The following MATK variants were observed in gnomAD, a reference collection of about 807,000 sequenced individuals.
The protein encoded by MATK is megakaryocyte-associated tyrosine kinase.
A neutral mutation model predicts 59.8 loss-of-function variants in MATK; 41 were observed. That is an observed-to-expected ratio of 0.69 (90% CI 0.53 to 0.89). The LOEUF is 0.89. MATK is among the 40% of genes least tolerant of loss of function. MATK has a pLI of 0.00. For missense variants in MATK, 593 were observed against 719.6 expected (o/e 0.82, Z 2.01); for synonymous variants, 308 against 306.1 (o/e 1.01, Z -0.06).
In MATK at chr19:3,778,035, C is replaced by T; in HGVS notation, c.*148G>A. 8.3e-7 allele frequency: 1 copy of T among 1,210,068 alleles called. No individual in the cohort carries two copies. Among genetic ancestry groups the T allele is most frequent in the African/African-American group, 1.6e-5 (1 of 62,890 alleles). 75.0% of individuals were successfully genotyped at this position (1,210,068 alleles called of 1,614,324 possible). A position where few individuals can be genotyped will look rare whatever the true frequency, so the allele number is the denominator to read the frequency against. On this transcript the variant is annotated 3_prime_UTR_variant, in exon 14 of 14. Coordinates refer to ENST00000310132, the MANE Select transcript of MATK (RefSeq NM_139355.3). ...GCAGGTCTGGGGTGTCCACGGGCCG[C>T]CCAGAGCCCCCTACGTGGGCCAGCC...
intron 1 of MATK, among the ~76,000 whole-genome samples, chr19:3,793,729 C>G (rs573426114): frequency 6.8e-6 from 1 of 147,366 alleles, no homozygotes; most frequent in East Asian, 2.0e-4. Context: ...ATTAGCTGGG[C>G]GTGGTGGCAT....
At chr19:3,790,263 C>A (rs2037528299), upstream of MATK, among the ~76,000 whole-genome samples, 1 of 152,168 alleles carries the variant, frequency 6.6e-6, no homozygotes, top group African/African-American at 2.4e-5. Context: ...TTATACCAGC[C>A]TGAGTGGGTA....
intron 1 of MATK, among the ~76,000 whole-genome samples, chr19:3,797,607 A>G (rs2037607937): frequency 6.6e-6 from 1 of 151,924 alleles, no homozygotes; most frequent in Non-Finnish European, 1.5e-5. Context: ...TTTAATTTCC[A>G]AGAGCTCTTT....
chr19:3,785,018 G>T (rs926406482), intron 2 of MATK, 46 bp downstream of exon 2: 105 of 1,591,202 alleles, frequency 6.6e-5, no homozygotes, highest in Non-Finnish European at 8.7e-5. Context: ...TCCTGGATGG[G>T]ACCCAGAACT....
chr19:3,787,266 G>A (rs1399118736), upstream of MATK, among the ~76,000 whole-genome samples: 1 of 152,070 alleles, frequency 6.6e-6, no homozygotes, highest in Non-Finnish European at 1.5e-5. Context: ...CCGTGTAGCT[G>A]GGACCACAGG....
intron 6 of MATK, among the ~76,000 whole-genome samples, chr19:3,783,553 G>C (rs2037431312): frequency 6.6e-6 from 1 of 151,984 alleles, no homozygotes. Flanking sequence ...GGGTCCTCCT[G>C]TCTGCCCATC....
upstream of MATK, among the ~76,000 whole-genome samples, chr19:3,789,806 C>A (rs1034403113): frequency 8.9e-4 from 134 of 150,428 alleles, 1 homozygote; most frequent in Non-Finnish European, 3.4e-4. Context: ...CTCACTGCAA[C>A]CTCCATCTCC....
rs768193895 is a variant in MATK, at chr19:3,779,580, C to T, written c.880G>A (p.Val294Met). Reference sequence around the variant, plus strand: ...ATGTACAGCCCCTGGTGCAGGATCACGCCCAGGAGACGCACCAGGTTCTCG... The same window carrying T: ...ATGTACAGCCCCTGGTGCAGGATCATGCCCAGGAGACGCACCAGGTTCTCG... Reference protein sequence around the residue: ...QHENLVRLLGVILHQGLYIVM... With the variant: ...QHENLVRLLGMILHQGLYIVM... The change falls in exon 10 of 14, where the codon GTG becomes ATG. Residue 294 changes from valine (V) to methionine (M), a missense_variant. Transcript: ENST00000310132. The T allele has an allele frequency of 2.5e-6, 4 of 1,611,896 alleles. No individual in the cohort carries two copies. The highest frequency in any genetic ancestry group is 1.1e-5 in the South Asian group (1 of 91,004).
At chr19:3,791,811 A>T (rs1165302102) in intron 1 of MATK, among the ~76,000 whole-genome samples, 2 of 152,056 alleles carry the variant, frequency 1.3e-5, no homozygotes, top group African/African-American at 4.8e-5. Context: ...CTCATTTGAG[A>T]AGTAGAACAG....
rs780638869 is a variant in MATK, at chr19:3,784,465, C to T, written c.133-14G>A. 6 of 1,568,254 alleles carry T rather than the reference C, an allele frequency of 3.8e-6. No homozygotes were observed. Among genetic ancestry groups the T allele is most frequent in the East Asian group, 2.3e-5 (1 of 43,838 alleles). On this transcript the variant is annotated splice_polypyrimidine_tract_variant and intron_variant, in intron 3 of 13. Coordinates refer to ENST00000310132, the MANE Select transcript of MATK (RefSeq NM_139355.3). The stretch of plus-strand genomic sequence containing the variant: ...GGCCCAGCGCCTCTGCAGAGGGGGC[C>T]GGGAGAGGGGCAAAGGGAGGACATC...
intron 6 of MATK, 147 bp from the exon 7 acceptor site, chr19:3,783,366 AG>A (rs2037428925): frequency 3.0e-6 from 2 of 662,594 alleles, no homozygotes; most frequent in Non-Finnish European, 5.4e-6. Flanking sequence ...AAAGGAGGCA[AG>A]CCAAAAGGAG....
At chr19:3,799,918 G>C (rs2037627538) in intron 1 of MATK, among the ~76,000 whole-genome samples, 1 of 151,854 alleles carries the variant, frequency 6.6e-6, no homozygotes, top group African/African-American at 2.4e-5. Flanking sequence ...TGAGGCGGGA[G>C]GATCACGAGG....
upstream of MATK, chr19:3,789,452 C>G: frequency 1.7e-6 from 1 of 585,882 alleles, no homozygotes; most frequent in Non-Finnish European, 3.2e-6. Flanking sequence ...AGCCCCAGGG[C>G]TCCGGGCAGG....
At chr19:3,778,938 C>A in intron 12 of MATK, 54 bp downstream of exon 12, 1 of 1,483,694 alleles carries the variant, frequency 6.7e-7, no homozygotes, top group South Asian at 1.3e-5. Context: ...CAGGGTCATA[C>A]AGCAGAGCTG....
At chr19:3,789,524 C>T, upstream of MATK, 1 of 518,854 alleles carries the variant, frequency 1.9e-6, no homozygotes, top group Non-Finnish European at 3.5e-6. Context: ...GAAGGGCGGA[C>T]TTAAGGAGCT....
At chr19:3,783,376 A>AG in intron 6 of MATK, 157 bp from the exon 7 acceptor site, 1 of 650,152 alleles carries the variant, frequency 1.5e-6, no homozygotes, top group South Asian at 1.8e-5. Flanking sequence ...AGCCAAAAGG[A>AG]GGGGGAGTCC....
In MATK at chr19:3,778,067, G is replaced by A. The variant is rs146546763; in HGVS notation, c.*116C>T. On this transcript the variant is annotated 3_prime_UTR_variant, in exon 14 of 14. Transcript: ENST00000310132. ...CCCCCTACGTGGGCCAGCCCCTGCT[G>A]TGGGCACCAGGAGGATGACTTGCCC... 2.1e-6 allele frequency: 3 copies of A among 1,425,252 alleles called. No homozygotes were observed. The highest frequency in any genetic ancestry group is 2.8e-6 in the Non-Finnish European group (3 of 1,087,086). 88.3% of individuals were successfully genotyped at this position (1,425,252 alleles called of 1,614,324 possible). A position where few individuals can be genotyped will look rare whatever the true frequency, so the allele number is the denominator to read the frequency against.
At chr19:3,800,071 G>C (rs1176911507) in intron 1 of MATK, among the ~76,000 whole-genome samples, 1 of 151,824 alleles carries the variant, frequency 6.6e-6, no homozygotes, top group East Asian at 1.9e-4. Context: ...GAACCCGGGA[G>C]GCGGAGCCTG....
At chr19:3,778,754 T>C (rs1408955141) in intron 12 of MATK, among the ~76,000 whole-genome samples, 159 bp from the exon 13 acceptor site, 1 of 152,176 alleles carries the variant, frequency 6.6e-6, no homozygotes, top group Non-Finnish European at 1.5e-5. Flanking sequence ...AGCTCAGCCT[T>C]AGTGCATGAA....
Sources: gnomAD v4.1 joint callset for allele counts (sites outside exome capture counted in the v4.1 genomes callset) on GRCh38, gnomAD v4.1.1 for gene constraint, MANE v1.5 for transcripts, NCBI Gene and HGNC (gene_info 2026-07-23, HGNC 2026-07-21) for gene names.